RBFOX1: variants seen among roughly 807,000 people sequenced by gnomAD.
RBFOX1 encodes the protein RNA binding protein fox-1 homolog 1.
RBFOX1 carries 8 observed loss-of-function variants against 57.7 expected under a neutral mutation model. That is an observed-to-expected ratio of 0.14 (90% CI 0.08 to 0.25). The LOEUF (loss-of-function observed/expected upper bound fraction) is 0.25. Among genes scored for constraint, RBFOX1 ranks in the 10% least tolerant of loss-of-function variants. The probability of loss-of-function intolerance (pLI) is 1.00; values close to 1 mark genes in which losing one functional copy is unlikely to be tolerated. For synonymous variants in RBFOX1, 326 were observed against 222.4 expected, an observed-to-expected ratio of 1.47 and a Z score of -4.15; for missense variants, 611 against 548.5, an observed-to-expected ratio of 1.11 and a Z score of -1.14.
intron 2 of RBFOX1, among the ~76,000 whole-genome samples, chr16:6,506,675 T>G (rs2096102485): frequency 8.8e-6 from 1 of 113,868 alleles, no homozygotes; most frequent in Admixed American, 1.3e-4. Flanking sequence ...TGAGATGGAG[T>G]CTCGCTTTGT....
intron 1 of RBFOX1, among the ~76,000 whole-genome samples, chr16:5,296,166 C>T (rs900852632): frequency 4.6e-5 from 7 of 152,076 alleles, no homozygotes; most frequent in Admixed American, 2.6e-4. Flanking sequence ...ATCTTTTTTC[C>T]AATCTGACTT....
chr16:5,749,765 A>G (rs1051365238), intron 3 of RBFOX1, among the ~76,000 whole-genome samples: 1 of 150,496 alleles, frequency 6.6e-6, no homozygotes, highest in Non-Finnish European at 1.5e-5. Flanking sequence ...TTAGGCATTT[A>G]TCTAATCTTT....
chr16:6,676,153 C>T (rs1418051598), intron 3 of RBFOX1, among the ~76,000 whole-genome samples: 1 of 116,658 alleles, frequency 8.6e-6, no homozygotes, highest in East Asian at 2.6e-4. Context: ...CACACACACA[C>T]ACACACACAC....
chr16:6,522,832 A>G (rs1024079980), intron 2 of RBFOX1, among the ~76,000 whole-genome samples: 3 of 152,132 alleles, frequency 2.0e-5, no homozygotes, highest in Admixed American at 6.5e-5. Context: ...TTTGTGGGGT[A>G]TAGCCCCTTC....
intron 3 of RBFOX1, among the ~76,000 whole-genome samples, chr16:6,891,006 A>G (rs926518109): frequency 6.6e-6 from 1 of 152,136 alleles, no homozygotes; most frequent in Admixed American, 6.5e-5. Flanking sequence ...ACCCTTCAAC[A>G]CTGTGAACGT....
At chr16:6,612,367 C>CG (rs367995413) in intron 2 of RBFOX1, among the ~76,000 whole-genome samples, 47 of 152,268 alleles carry the variant, frequency 3.1e-4, no homozygotes, top group African/African-American at 1.1e-3. Context: ...AACATTGCCA[C>CG]TGCTTTTAAA....
chr16:5,279,926 ATTTC>A (rs1416364705), intron 1 of RBFOX1, among the ~76,000 whole-genome samples: 1 of 152,054 alleles, frequency 6.6e-6, no homozygotes, highest in Admixed American at 6.5e-5. Context: ...GATGCCTTTT[ATTTC>A]TTTATCTTGT....
chr16:6,619,328 A>C (rs115207044), intron 2 of RBFOX1, among the ~76,000 whole-genome samples: 1 of 152,166 alleles, frequency 6.6e-6, no homozygotes, highest in Non-Finnish European at 1.5e-5. Context: ...TCTTGGTACA[A>C]GGGAAAACAT....
chr16:5,723,787 G>A (rs956910928), intron 3 of RBFOX1, among the ~76,000 whole-genome samples: 2 of 152,344 alleles, frequency 1.3e-5, no homozygotes, highest in South Asian at 4.1e-4. Flanking sequence ...GGCAGCTATG[G>A]AGAAAGCAGT....
At chr16:6,859,131 A>G (rs8062742) in intron 3 of RBFOX1, among the ~76,000 whole-genome samples, 36 of 40,342 alleles carry the variant, frequency 8.9e-4, no homozygotes, top group African/African-American at 3.2e-3. Flanking sequence ...ATATATATAC[A>G]TATATATACG....
chr16:5,381,231 C>G (rs904273368), intron 1 of RBFOX1, among the ~76,000 whole-genome samples: 1 of 152,246 alleles, frequency 6.6e-6, no homozygotes, highest in South Asian at 2.1e-4. Flanking sequence ...AGGGCAGACC[C>G]TATGCCCTTG....
At chr16:6,139,762 C>A (rs2096699933) in intron 1 of RBFOX1, among the ~76,000 whole-genome samples, 1 of 152,046 alleles carries the variant, frequency 6.6e-6, no homozygotes, top group Non-Finnish European at 1.5e-5. Flanking sequence ...TTGATTTCTC[C>A]TTATGTATCT....
chr16:5,366,311 AG>A (rs1779900280), intron 1 of RBFOX1: 43 of 359,224 alleles, frequency 1.2e-4, no homozygotes, highest in Middle Eastern at 9.0e-4. Context: ...ATGATGATGA[AG>A]ATGATGATGA....
intron 4 of RBFOX1, among the ~76,000 whole-genome samples, chr16:5,953,816 C>A (rs907329457): frequency 4.0e-5 from 6 of 151,812 alleles, no homozygotes; most frequent in Non-Finnish European, 8.8e-5. Flanking sequence ...TGTAAACCTG[C>A]GTGTGCAAGT....
intron 4 of RBFOX1, among the ~76,000 whole-genome samples, chr16:5,893,560 C>G (rs1418371546): frequency 6.6e-6 from 1 of 152,092 alleles, no homozygotes; most frequent in African/African-American, 2.4e-5. Flanking sequence ...TAATCCCAGC[C>G]CTTTGGTAGG....
At chr16:5,889,336 C>G (rs1334946322) in intron 4 of RBFOX1, among the ~76,000 whole-genome samples, 1 of 152,110 alleles carries the variant, frequency 6.6e-6, no homozygotes, top group Non-Finnish European at 1.5e-5. Flanking sequence ...CTTTTCTTTT[C>G]TTGTGTTAGT....
intron 4 of RBFOX1, among the ~76,000 whole-genome samples, chr16:7,303,258 C>G (rs1330213482): frequency 6.6e-6 from 1 of 152,254 alleles, no homozygotes; most frequent in African/African-American, 2.4e-5. Flanking sequence ...GGTGCATCGG[C>G]GCTTCGGTGC....
intron 4 of RBFOX1, among the ~76,000 whole-genome samples, chr16:7,469,361 C>A (rs947967992): frequency 1.3e-5 from 2 of 152,026 alleles, no homozygotes; most frequent in Non-Finnish European, 2.9e-5. Flanking sequence ...CGCACCTGGC[C>A]CCAGCCTGAG....
chr16:7,473,107 G>A (rs1004070978), intron 4 of RBFOX1, among the ~76,000 whole-genome samples: 4 of 152,204 alleles, frequency 2.6e-5, no homozygotes, highest in Admixed American at 2.0e-4. Flanking sequence ...GCTAGGTGCA[G>A]TGGCTCATGC....
Sources: allele counts gnomAD v4.1 joint callset (sites outside exome capture counted in the v4.1 genomes callset), GRCh38; gene constraint gnomAD v4.1.1; transcripts MANE v1.5; gene names NCBI Gene and HGNC (gene_info 2026-07-23, HGNC 2026-07-21).